RNF180: variants seen among roughly 807,000 people sequenced by gnomAD.
RNF180 encodes ring finger protein 180.
In RNF180, 38 loss-of-function variants were observed where a neutral mutation model predicts 59.2. The observed-to-expected ratio is 0.64, with a 90% CI of 0.50 to 0.84. The LOEUF is 0.84. Among genes scored for constraint, RNF180 ranks in the 40% least tolerant of loss-of-function variants. The pLI, the probability that RNF180 is intolerant of heterozygous loss-of-function variation, is 0.00. For synonymous variants in RNF180, 262 were observed against 240.3 expected (o/e 1.09, Z -0.84); for missense variants, 705 against 700.9 (o/e 1.01, Z -0.07).
At chr5:64,328,321 ACTTT>A (rs1327468482) in intron 6 of RNF180, among the ~76,000 whole-genome samples, 4 of 152,190 alleles carry the variant, frequency 2.6e-5, no homozygotes, top group African/African-American at 9.7e-5. Flanking sequence ...AACTTCTTTC[ACTTT>A]CTTCATCAAT....
At chr5:64,338,418 AG>A (rs1745221320) in intron 7 of RNF180, among the ~76,000 whole-genome samples, 1 of 152,128 alleles carries the variant, frequency 6.6e-6, no homozygotes, top group African/African-American at 2.4e-5. Context: ...GCGGATCACG[AG>A]GTCAGGAGAT....
chr5:64,257,321 A>G (rs916837694), intron 5 of RNF180, among the ~76,000 whole-genome samples: 2 of 152,306 alleles, frequency 1.3e-5, no homozygotes, highest in African/African-American at 4.8e-5. Context: ...CCCATTCAGT[A>G]TGATATTGGC....
At position 64,183,073 on chromosome 5, in the gene RNF180, A is replaced by G. The variant is rs368543674; in HGVS notation, c.-1+17120A>G. Reference sequence around the variant, plus strand: ...GCATCCTCCATTTCAGTATGTGACCATCAGCTTAGAATTCTCTGTCAAAAC... The same window carrying G: ...GCATCCTCCATTTCAGTATGTGACCGTCAGCTTAGAATTCTCTGTCAAAAC... On this transcript the variant is annotated intron_variant, in intron 1 of 7. Coordinates refer to ENST00000389100, the MANE Select transcript of RNF180 (RefSeq NM_001113561.2). Among the ~76,000 whole-genome samples, 98 of 152,316 alleles carry G rather than the reference A, an allele frequency of 6.4e-4. No homozygotes were observed. The South Asian group carries it at 0.016, about 25-fold the overall frequency.
intron 7 of RNF180, among the ~76,000 whole-genome samples, chr5:64,331,696 C>T (rs1473352269): frequency 6.6e-6 from 1 of 152,186 alleles, no homozygotes; most frequent in Non-Finnish European, 1.5e-5. Flanking sequence ...AACTCAGGAC[C>T]TGCTGAGTGG....
At chr5:64,301,138 ATAAT>A (rs1743140115) in intron 5 of RNF180, among the ~76,000 whole-genome samples, 1 of 151,838 alleles carries the variant, frequency 6.6e-6, no homozygotes, top group African/African-American at 2.4e-5. Context: ...GTAGGAATAA[ATAAT>A]AGAATTCCAG....
intron 5 of RNF180, among the ~76,000 whole-genome samples, chr5:64,279,736 T>G (rs1170108717): frequency 6.6e-6 from 1 of 152,148 alleles, no homozygotes; most frequent in African/African-American, 2.4e-5. Context: ...TCCTACTACA[T>G]CCTATGATGA....
Position 64,200,791 on chromosome 5 carries a change from C to A in RNF180, c.1-17C>A. The A allele has an allele frequency of 6.2e-7, 1 of 1,604,658 alleles. No individual in the cohort carries two copies. Among genetic ancestry groups the A allele is most frequent in the Non-Finnish European group, 8.5e-7 (1 of 1,173,662 alleles). ...CTGACAGTTTAACATTCTAAAAATG[C>A]ACTAATGTTTCCGCAGATGAAAAGA... is the stretch of plus-strand genomic sequence containing the variant. On this transcript the variant is annotated splice_polypyrimidine_tract_variant and intron_variant, in intron 1 of 7. Coordinates refer to ENST00000389100, the MANE Select transcript of RNF180 (RefSeq NM_001113561.2).
At chr5:64,238,485 C>A (rs555917420) in intron 5 of RNF180, among the ~76,000 whole-genome samples, 1 of 152,300 alleles carries the variant, frequency 6.6e-6, no homozygotes, top group East Asian at 1.9e-4. Context: ...TTTCTCCACA[C>A]CCTCACTAAC....
chr5:64,223,358 T>C (rs1741471972), intron 5 of RNF180, among the ~76,000 whole-genome samples: 1 of 152,174 alleles, frequency 6.6e-6, no homozygotes, highest in Non-Finnish European at 1.5e-5. Flanking sequence ...AGCTGCAAAG[T>C]CCCCTTTCCC....
intron 5 of RNF180, among the ~76,000 whole-genome samples, chr5:64,244,924 G>A (rs1042472305): frequency 6.7e-6 from 1 of 148,930 alleles, no homozygotes. Flanking sequence ...AAGAGAGTGA[G>A]GGCAAATATT....
chr5:64,218,361 C>A (rs1752744873), intron 5 of RNF180, among the ~76,000 whole-genome samples: 1 of 152,048 alleles, frequency 6.6e-6, no homozygotes, highest in African/African-American at 2.4e-5. Context: ...GTTTCAGCAC[C>A]AGTTGTTGAA....
chr5:64,166,609 GT>G (rs886151085), intron 1 of RNF180, among the ~76,000 whole-genome samples: 1 of 151,964 alleles, frequency 6.6e-6, no homozygotes, highest in Non-Finnish European at 1.5e-5. Context: ...ATTCCACCTT[GT>G]TTTTTTTCGA....
chr5:64,316,826 T>C (rs1744061743), intron 5 of RNF180, among the ~76,000 whole-genome samples: 1 of 152,212 alleles, frequency 6.6e-6, no homozygotes, highest in Non-Finnish European at 1.5e-5. Context: ...AATATTGTTG[T>C]TTATTAATTT....
chr5:64,200,829 A>G lies in RNF180; in HGVS notation c.22A>G (p.Ile8Val), dbSNP rs1751704929. Reference sequence around the variant, plus strand: ...GCAGATGAAAAGAAGCAAAGAATTGATAACTAAAAATCATAGTCAAGAGGA... The same window carrying G: ...GCAGATGAAAAGAAGCAAAGAATTGGTAACTAAAAATCATAGTCAAGAGGA... MKRSKEL[I>V]TKNHSQEETS... Residue 8 changes from isoleucine (I) to valine (V), a missense_variant, in exon 2 of 8, where the codon ATA becomes GTA. Ile to Val is a conservative substitution (Grantham distance 29). Coordinates refer to ENST00000389100, the MANE Select transcript of RNF180 (RefSeq NM_001113561.2). 3 of 1,612,374 alleles carry G rather than the reference A, an allele frequency of 1.9e-6. No homozygotes were observed. Among genetic ancestry groups the G allele is most frequent in the Non-Finnish European group, 2.5e-6 (3 of 1,178,688 alleles).
At chr5:64,230,208 C>G (rs897399916) in intron 5 of RNF180, among the ~76,000 whole-genome samples, 3 of 152,180 alleles carry the variant, frequency 2.0e-5, no homozygotes, top group African/African-American at 7.2e-5. Flanking sequence ...TACTAGCACT[C>G]TCTGTGTACT....
Position 64,325,393 on chromosome 5 carries a change from A to G in RNF180, c.1435A>G (p.Arg479Gly), listed in dbSNP as rs1744587891. ...CCCATTGTGTCGGACAATTATTTCT[A>G]GAGTCTTTTTCCAAACAGGTAACAA... ...PCPLCRTIIS[R>G]VFFQTELNNA... The change falls in exon 6 of 8, where the codon AGA (arginine) becomes GGA (glycine). Residue 479 changes from arginine to glycine, a missense_variant. Transcript: ENST00000389100. 1 of 1,550,496 alleles carries G rather than the reference A, an allele frequency of 6.4e-7. No homozygotes were observed. Among genetic ancestry groups the G allele is most frequent in the Non-Finnish European group, 8.7e-7 (1 of 1,145,880 alleles).
intron 5 of RNF180, among the ~76,000 whole-genome samples, chr5:64,314,507 T>C (rs948557120): frequency 6.6e-6 from 1 of 152,172 alleles, no homozygotes; most frequent in African/African-American, 2.4e-5. Context: ...TGTTTCCTAA[T>C]GTGTCAGTTC....
At chr5:64,350,901 T>C (rs982306012) in intron 7 of RNF180, among the ~76,000 whole-genome samples, 6 of 152,316 alleles carry the variant, frequency 3.9e-5, no homozygotes, top group Non-Finnish European at 7.3e-5. Flanking sequence ...GGCTCTTTTT[T>C]GGTTCTATAT....
At chr5:64,194,608 T>G (rs1433359779) in intron 1 of RNF180, among the ~76,000 whole-genome samples, 5 of 152,242 alleles carry the variant, frequency 3.3e-5, no homozygotes, top group African/African-American at 1.2e-4. Flanking sequence ...TGAACTAGTT[T>G]ACAGTCCCAC....
Sources: allele counts gnomAD v4.1 joint callset (sites outside exome capture counted in the v4.1 genomes callset), GRCh38; gene constraint gnomAD v4.1.1; transcripts MANE v1.5; gene names NCBI Gene and HGNC (gene_info 2026-07-23, HGNC 2026-07-21).